Variants in SNTG1 observed in about 807,000 individuals in gnomAD.
The protein encoded by SNTG1 is gamma-1-syntrophin.
A neutral mutation model predicts 74.7 loss-of-function variants in SNTG1; 39 were observed. That is an observed-to-expected ratio of 0.52 (90% CI 0.40 to 0.68). SNTG1 has a LOEUF of 0.68. SNTG1 is among the 30% of genes least tolerant of loss of function. The pLI is 0.00. For missense variants in SNTG1, 685 were observed against 609.5 expected, an observed-to-expected ratio of 1.12 and a Z score of -1.30; for synonymous variants, 254 against 217.1, an observed-to-expected ratio of 1.17 and a Z score of -1.49.
At chr8:50,683,098 G>A (rs1471814860) in intron 15 of SNTG1, among the ~76,000 whole-genome samples, 2 of 152,134 alleles carry the variant, frequency 1.3e-5, no homozygotes, top group Non-Finnish European at 2.9e-5. Context: ...ACGAGGGAGA[G>A]ATGTCATCTG....
intron 1 of SNTG1, among the ~76,000 whole-genome samples, chr8:50,032,808 C>G (rs929590867): frequency 3.3e-5 from 5 of 152,018 alleles, no homozygotes; most frequent in African/African-American, 1.2e-4. Context: ...TTTCATGTTG[C>G]TCACCTGCTA....
intron 1 of SNTG1, among the ~76,000 whole-genome samples, chr8:49,940,881 G>A (rs1451519525): frequency 1.9e-4 from 29 of 152,170 alleles, no homozygotes; most frequent in Admixed American, 1.9e-3. Context: ...TCAGGGGTCA[G>A]GAATGACTGC....
chr8:50,520,621 A>T (rs530664812), intron 9 of SNTG1, among the ~76,000 whole-genome samples: 2 of 152,362 alleles, frequency 1.3e-5, no homozygotes, highest in South Asian at 4.1e-4. Context: ...GGATATGAAC[A>T]GACACTTCTC....
rs1563338495 is a variant in SNTG1 at position 50,402,362 on chromosome 8, C to A, written c.162+18C>A. ...ATTCTGGTGTAAGTAGCTTTTTCTT[C>A]TGTTGAAATTTTTTGTGTTTGTTTT... On this transcript the variant is annotated intron_variant, in intron 4 of 18. Coordinates refer to ENST00000642720, the MANE Select transcript of SNTG1 (RefSeq NM_018967.5). 2.6e-6 allele frequency: 4 copies of A among 1,565,320 alleles called. No individual in the cohort carries two copies. Among genetic ancestry groups the A allele is most frequent in the Non-Finnish European group, 3.4e-6 (4 of 1,162,786 alleles).
chr8:50,475,415 C>A (rs187349809), intron 8 of SNTG1, among the ~76,000 whole-genome samples: 1 of 152,256 alleles, frequency 6.6e-6, no homozygotes, highest in Non-Finnish European at 1.5e-5. Flanking sequence ...TGGGCCTCCA[C>A]TGTTTCTCAG....
At chr8:50,615,574 C>T (rs1456508458) in intron 13 of SNTG1, among the ~76,000 whole-genome samples, 11 of 152,032 alleles carry the variant, frequency 7.2e-5, no homozygotes, top group Admixed American at 5.9e-4. Flanking sequence ...ATCATCATGC[C>T]ATAGGAACTC....
At chr8:50,015,268 G>A (rs1260635490) in intron 1 of SNTG1, among the ~76,000 whole-genome samples, 1 of 152,006 alleles carries the variant, frequency 6.6e-6, no homozygotes, top group African/African-American at 2.4e-5. Flanking sequence ...ATCCACCAGA[G>A]GATTTAAACA....
chr8:49,993,537 A>G (rs1426607421), intron 1 of SNTG1, among the ~76,000 whole-genome samples: 1 of 152,044 alleles, frequency 6.6e-6, no homozygotes, highest in African/African-American at 2.4e-5. Context: ...AGGTATTTGT[A>G]CTAATGCTCT....
chr8:50,616,207 A>G (rs937440721), intron 13 of SNTG1, among the ~76,000 whole-genome samples: 10 of 152,254 alleles, frequency 6.6e-5, no homozygotes, highest in African/African-American at 2.4e-4. Context: ...AGCCCAGATG[A>G]CATATAAAAT....
At chr8:50,159,750 T>A (rs1004029687) in intron 1 of SNTG1, among the ~76,000 whole-genome samples, 1 of 152,166 alleles carries the variant, frequency 6.6e-6, no homozygotes, top group African/African-American at 2.4e-5. Context: ...CTGAGCCTAG[T>A]GTTTCTATGG....
At chr8:50,404,544 T>C (rs921112184) in intron 4 of SNTG1, among the ~76,000 whole-genome samples, 30 of 152,162 alleles carry the variant, frequency 2.0e-4, no homozygotes, top group African/African-American at 7.0e-4. Context: ...TACAATGTAA[T>C]GCTGTAATAA....
intron 2 of SNTG1, among the ~76,000 whole-genome samples, chr8:50,345,175 G>C (rs568002899): frequency 6.6e-6 from 1 of 152,304 alleles, no homozygotes; most frequent in East Asian, 1.9e-4. Flanking sequence ...TTGAATCAAA[G>C]AGATAAGTTA....
intron 1 of SNTG1, among the ~76,000 whole-genome samples, chr8:50,170,211 C>T (rs963740589): frequency 6.6e-6 from 1 of 152,060 alleles, no homozygotes; most frequent in Non-Finnish European, 1.5e-5. Context: ...TACTTTCACA[C>T]CTCAACATTG....
At chr8:50,592,108 T>C (rs770218274) in intron 13 of SNTG1, among the ~76,000 whole-genome samples, 5 of 152,156 alleles carry the variant, frequency 3.3e-5, no homozygotes, top group Non-Finnish European at 7.3e-5. Flanking sequence ...ATAGGTGTCA[T>C]CCTGAGAGCT....
At chr8:50,317,993 C>T (rs576455464) in intron 2 of SNTG1, among the ~76,000 whole-genome samples, 2 of 152,130 alleles carry the variant, frequency 1.3e-5, no homozygotes, top group African/African-American at 2.4e-5. Flanking sequence ...CTCGCCACCA[C>T]GCCCGGCTAA....
rs1478301019 is a variant in SNTG1, at chr8:50,402,266, G to C, written c.84G>C (p.Arg28=). Residue 28 remains arginine (R), a synonymous_variant, in exon 4 of 19, where the codon CGG becomes CGC. Transcript: ENST00000642720. ...QDGNQEPFKV[R]LHLAKDILMI... ...GTAACCAGGAGCCTTTCAAAGTGCG[G>C]CTGCACCTAGCCAAAGACATTTTGA... The C allele has an allele frequency of 6.2e-7, 1 of 1,613,676 alleles. No individual in the cohort carries two copies. The highest frequency in any genetic ancestry group is 8.5e-7 in the Non-Finnish European group (1 of 1,179,906).
At chr8:49,918,402 T>C (rs1005400474) in intron 1 of SNTG1, among the ~76,000 whole-genome samples, 1 of 152,164 alleles carries the variant, frequency 6.6e-6, no homozygotes, top group African/African-American at 2.4e-5. Flanking sequence ...GATAATAACC[T>C]TGATTAACAG....
intron 4 of SNTG1, among the ~76,000 whole-genome samples, chr8:50,414,905 C>T (rs1352668029): frequency 6.6e-6 from 1 of 152,086 alleles, no homozygotes; most frequent in African/African-American, 2.4e-5. Flanking sequence ...ACAGAGACCA[C>T]CTACTATACA....
chr8:50,238,033 T>C (rs930486581), intron 2 of SNTG1, among the ~76,000 whole-genome samples: 1 of 152,152 alleles, frequency 6.6e-6, no homozygotes, highest in African/African-American at 2.4e-5. Context: ...GCCATATGCA[T>C]AGGAGGAATC....
Sources: gnomAD v4.1 joint callset for allele counts (sites outside exome capture counted in the v4.1 genomes callset) on GRCh38, gnomAD v4.1.1 for gene constraint, MANE v1.5 for transcripts, NCBI Gene and HGNC (gene_info 2026-07-23, HGNC 2026-07-21) for gene names.